Variants in SCART1 observed in about 807,000 individuals in gnomAD.
SCART1 encodes scavenger receptor cysteine-rich domain-containing protein SCART1.
SCART1 carries 62 observed loss-of-function variants against 36.2 expected under a neutral mutation model. The observed-to-expected ratio is 1.71, with a 90% confidence interval of 1.40 to 2.12. The LOEUF is 2.12. Ranked by LOEUF, SCART1 falls within the 30% of genes most tolerant of loss-of-function variation. The probability of loss-of-function intolerance (pLI) is 0.00; values close to 1 mark genes in which losing one functional copy is unlikely to be tolerated. For missense variants in SCART1, 1,041 were observed against 540.5 expected (o/e 1.93, Z -9.18); for synonymous variants, 487 against 238.7 (o/e 2.04, Z -9.59).
Position 133,467,845 on chromosome 10 carries a change from A to C in SCART1, c.2963-2A>C, listed in dbSNP as rs1194253513. 1.5e-6 allele frequency: 1 copy of C among 678,668 alleles called. No homozygotes were observed. The highest frequency in any genetic ancestry group is 2.7e-5 in the East Asian group (1 of 36,602). 42.0% of individuals were successfully genotyped at this position (678,668 alleles called of 1,614,324 possible). A position where few individuals can be genotyped will look rare whatever the true frequency, so the allele number is the denominator to read the frequency against. On this transcript the variant is annotated splice_acceptor_variant, in intron 11 of 11. Coordinates refer to ENST00000640237, the Ensembl canonical transcript of SCART1. LOFTEE classifies it high-confidence loss of function. ...TTGGTCACGCGGTGTCTCTTGCGCC[A>C]GTTTCAGGGGAGGTGTCTAACCTCC...
intron 6 of SCART1, among the ~76,000 whole-genome samples, chr10:133,460,483 T>TAC (rs1412175260): frequency 2.8e-5 from 4 of 144,022 alleles, no homozygotes; most frequent in African/African-American, 5.1e-5. Context: ...TATATATATA[T>TAC]ATATATTTAT....
exon 5 of SCART1, chr10:133,459,078 A>C: frequency 1.4e-6 from 1 of 702,060 alleles, no homozygotes; most frequent in Non-Finnish European, 2.6e-6. Context: ...TTCCAGGTGC[A>C]GGGGTCCTGG....
intron 6 of SCART1, 61 bp from the exon 7 acceptor site, chr10:133,464,545 C>T (rs1723884407): frequency 4.9e-6 from 3 of 610,506 alleles, no homozygotes; most frequent in South Asian, 1.9e-5. Flanking sequence ...CCCCCTCCTT[C>T]TGAGACTGCC....
At chr10:133,459,855 G>C (rs1850673918) in exon 6 of SCART1, 6 of 563,700 alleles carry the variant, frequency 1.1e-5, no homozygotes, top group Non-Finnish European at 1.9e-5. Flanking sequence ...GATCCCGGGC[G>C]CCCTGACTCT....
chr10:133,457,290 C>T (rs777548459), exon 3 of SCART1: 25 of 700,876 alleles, frequency 3.6e-5, no homozygotes, highest in East Asian at 1.1e-4. Context: ...CGGCACTTTC[C>T]GGGAGCTCCG....
At position 133,464,675 on chromosome 10, in the gene SCART1, G is replaced by T. The variant is rs951444048; in HGVS notation, c.2039G>T (p.Gly680Val). The stretch of plus-strand genomic sequence containing the variant: ...GGGTGGCTGGACGTGTTCTACAATG[G>T]GACCTGGGGCGCCATGTGCAGCAAT... The change falls in exon 7 of 12, where the codon GGG becomes GTG. Residue 680 changes from glycine (G) to valine (V), a missense_variant. Gly to Val is a moderately radical substitution (Grantham distance 109, BLOSUM62 -3). Coordinates refer to ENST00000640237, the Ensembl canonical transcript of SCART1. 5 of 695,676 alleles carry T rather than the reference G, an allele frequency of 7.2e-6. No homozygotes were observed. The African/African-American group carries it at 8.7e-5, about 12-fold the overall frequency. The allele number at this position is 695,676 out of a possible 1,614,324, so 43.1% of individuals were successfully genotyped here.
intron 9 of SCART1, 197 bp downstream of exon 9, chr10:133,465,762 CT>C (rs1406290060): frequency 4.5e-6 from 3 of 672,738 alleles, no homozygotes; most frequent in Admixed American, 2.1e-5. Context: ...GGGTTTCCCC[CT>C]AATCTTTTTT....
Position 133,460,184 on chromosome 10 carries a change from G to A in SCART1, c.1969+14G>A, listed in dbSNP as rs1338931708. The A allele has an allele frequency of 6.3e-6, 3 of 472,714 alleles. No homozygotes were observed. Among genetic ancestry groups the A allele is most frequent in the Non-Finnish European group, 1.1e-5 (3 of 269,298 alleles). 29.3% of individuals were successfully genotyped at this position (472,714 alleles called of 1,614,324 possible). On this transcript the variant is annotated intron_variant, in intron 6 of 11. Transcript: ENST00000640237. ...TCTTCTGCTCAGGTGAGCGGCCGTT[G>A]GGTATGGAATGATCATGCTGTTTTA...
exon 6 of SCART1, chr10:133,460,127 G>C: frequency 1.9e-6 from 1 of 518,296 alleles, no homozygotes; most frequent in Non-Finnish European, 3.4e-6. Flanking sequence ...GCTGGGGGCG[G>C]CACGACTGGA....
At position 133,465,487 on chromosome 10, in the gene SCART1, T is replaced by TCCCTGTGGGGCTG. The variant is rs2035339562; in HGVS notation, c.2587_2599dup (p.Ala867ValfsTer88). 1.9e-6 allele frequency: 1 copy of TCCCTGTGGGGCTG among 521,162 alleles called. No homozygotes were observed. Among genetic ancestry groups the TCCCTGTGGGGCTG allele is most frequent in the African/African-American group, 2.0e-5 (1 of 49,148 alleles). The allele number at this position is 521,162 out of a possible 1,614,324, so 32.3% of individuals were successfully genotyped here. A position where few individuals can be genotyped will look rare whatever the true frequency, so the allele number is the denominator to read the frequency against. ...GGTGGGGTGCCGGGGCAGCGAGGCG[T>TCCCTGTGGGGCTG]CCCTGTGGGGCTGCCCTGCGGAGCG... On this transcript the variant is annotated frameshift_variant, in exon 9 of 12. Coordinates refer to ENST00000640237, the Ensembl canonical transcript of SCART1. LOFTEE classifies it high-confidence loss of function.
chr10:133,456,376 G>A (rs920598230), exon 2 of SCART1: 1 of 702,942 alleles, frequency 1.4e-6, no homozygotes. Flanking sequence ...GCAGGCAGCT[G>A]GGCTGCGGCC....
At chr10:133,459,632 C>T (rs1850668841) in exon 6 of SCART1, 3 of 678,584 alleles carry the variant, frequency 4.4e-6, no homozygotes, top group Non-Finnish European at 8.1e-6. Flanking sequence ...AACTCGGGTG[C>T]AGAGGGGCCC....
At chr10:133,462,483 G>GA (rs1392161659) in intron 6 of SCART1, among the ~76,000 whole-genome samples, 1 of 152,166 alleles carries the variant, frequency 6.6e-6, no homozygotes, top group Non-Finnish European at 1.5e-5. Flanking sequence ...AAATTAGAAA[G>GA]AAAAAACCAT....
intron 2 of SCART1, among the ~76,000 whole-genome samples, chr10:133,456,917 G>A (rs562445125): frequency 1.2e-4 from 19 of 152,316 alleles, no homozygotes; most frequent in Admixed American, 3.3e-4. Context: ...ACAGGTACAC[G>A]CTTTCCCTTT....
exon 1 of SCART1, chr10:133,454,046 C>T (rs1431819363): frequency 2.8e-6 from 2 of 703,018 alleles, no homozygotes; most frequent in Non-Finnish European, 2.6e-6. Context: ...TCTTCTGAAT[C>T]TCTGGGCAGT....
intron 6 of SCART1, among the ~76,000 whole-genome samples, chr10:133,460,396 C>T (rs1408665834): frequency 6.6e-6 from 1 of 151,056 alleles, no homozygotes; most frequent in Non-Finnish European, 1.5e-5. Flanking sequence ...CGCAGGTTGG[C>T]CCTGGGGCAG....
intron 9 of SCART1, chr10:133,465,832 G>A (rs913390236): frequency 1.4e-6 from 1 of 695,686 alleles, no homozygotes; most frequent in South Asian, 1.5e-5. Flanking sequence ...TCACCTGGGT[G>A]TTGGCAGGTT....
exon 9 of SCART1, chr10:133,465,437 G>C: frequency 1.8e-6 from 1 of 548,042 alleles, no homozygotes; most frequent in South Asian, 2.4e-5. Flanking sequence ...TTTGGCCCTG[G>C]CTCCGGGCCC....
intron 7 of SCART1, 95 bp from the exon 8 acceptor site, chr10:133,465,011 T>A (rs1290825971): frequency 2.9e-6 from 2 of 700,202 alleles, no homozygotes; most frequent in Admixed American, 4.0e-5. Context: ...TGCCATTCAA[T>A]CAGAGCCTGG....
Sources: allele counts gnomAD v4.1 joint callset (sites outside exome capture counted in the v4.1 genomes callset), GRCh38; gene constraint gnomAD v4.1.1; transcripts MANE v1.5; gene names NCBI Gene and HGNC (gene_info 2026-07-23, HGNC 2026-07-21).